NAALADL2: variants seen among roughly 807,000 people sequenced by gnomAD.
NAALADL2 encodes N-acetylated alpha-linked acidic dipeptidase like 2.
NAALADL2 carries 76 observed loss-of-function variants against 87.2 expected under a neutral mutation model. That is an observed-to-expected ratio of 0.87 (90% CI 0.72 to 1.05). The LOEUF is 1.05. NAALADL2 is among the 50% of genes least tolerant of loss of function. NAALADL2 has a pLI of 0.00. For missense variants in NAALADL2, 1,089 were observed against 945.8 expected (o/e 1.15, Z -1.99); for synonymous variants, 354 against 331.0 (o/e 1.07, Z -0.75).
At chr3:175,510,580 A>G (rs190682377) in intron 9 of NAALADL2, among the ~76,000 whole-genome samples, 37 of 152,336 alleles carry the variant, frequency 2.4e-4, no homozygotes, top group African/African-American at 8.7e-4. Flanking sequence ...AATGTGTTTT[A>G]TAATTTCCAA....
At chr3:175,415,955 A>T (rs1156302393) in intron 5 of NAALADL2, among the ~76,000 whole-genome samples, 1 of 92,076 alleles carries the variant, frequency 1.1e-5, no homozygotes, top group Non-Finnish European at 2.0e-5. Context: ...GTCTCTATTT[A>T]AAAAAAAAAA....
intron 2 of NAALADL2, among the ~76,000 whole-genome samples, chr3:175,185,184 T>G (rs1737144340): frequency 6.6e-6 from 1 of 152,114 alleles, no homozygotes; most frequent in Non-Finnish European, 1.5e-5. Context: ...GGTGTACTTG[T>G]GATACCACAT....
chr3:174,446,748 T>C (rs535179085), intron 1 of NAALADL2, among the ~76,000 whole-genome samples: 1 of 152,312 alleles, frequency 6.6e-6, no homozygotes, highest in South Asian at 2.1e-4. Context: ...TGCATGGTTA[T>C]AGAACTCTCA....
chr3:175,289,313 C>G (rs1267076821), intron 4 of NAALADL2, among the ~76,000 whole-genome samples: 1 of 152,024 alleles, frequency 6.6e-6, no homozygotes, highest in Non-Finnish European at 1.5e-5. Flanking sequence ...TCACCGCCAT[C>G]TGATTTTAAG....
intron 2 of NAALADL2, among the ~76,000 whole-genome samples, chr3:175,161,385 T>C (rs1296650789): frequency 6.6e-6 from 1 of 151,956 alleles, no homozygotes; most frequent in African/African-American, 2.4e-5. Flanking sequence ...GGTTAAGAAA[T>C]GGCCACACGA....
intron 3 of NAALADL2, among the ~76,000 whole-genome samples, chr3:175,249,250 G>GA (rs1254196218): frequency 6.6e-6 from 1 of 151,650 alleles, no homozygotes; most frequent in African/African-American, 2.4e-5. Context: ...TTTATTACCT[G>GA]AAAAAAGTAT....
intron 1 of NAALADL2, among the ~76,000 whole-genome samples, chr3:175,014,284 C>A (rs916202491): frequency 6.6e-6 from 1 of 152,068 alleles, no homozygotes; most frequent in African/African-American, 2.4e-5. Context: ...TCTCTTATAT[C>A]CTTGCTTCCT....
At chr3:174,737,195 C>G (rs1186755834) in intron 2 of NAALADL2, among the ~76,000 whole-genome samples, 1 of 152,228 alleles carries the variant, frequency 6.6e-6, no homozygotes, top group African/African-American at 2.4e-5. Context: ...GCTGCCAACA[C>G]CTCTATATTC....
At chr3:174,507,055 C>G (rs1719247989) in intron 1 of NAALADL2, among the ~76,000 whole-genome samples, 1 of 151,886 alleles carries the variant, frequency 6.6e-6, no homozygotes, top group Admixed American at 6.6e-5. Flanking sequence ...GGCTGTGGAG[C>G]TATGCTTACA....
rs113261190 is a variant in NAALADL2, at chr3:175,265,415, A to T, written c.939+8885A>T. Among the ~76,000 whole-genome samples, 571 of 151,808 alleles carry T rather than the reference A, an allele frequency of 3.8e-3. 4 individuals carry two copies. The highest frequency in any genetic ancestry group is 0.013 in the African/African-American group (541 of 41,536). On this transcript the variant is annotated intron_variant, in intron 4 of 13. Coordinates refer to ENST00000454872, the MANE Select transcript of NAALADL2 (RefSeq NM_207015.3). Reference sequence around the variant, plus strand: ...TAAACCCTTAATTCTATACCAATAGAGTTTTAAAAGAATTAACTTGAGGTC... The same window carrying T: ...TAAACCCTTAATTCTATACCAATAGTGTTTTAAAAGAATTAACTTGAGGTC...
At chr3:175,301,113 A>T (rs1757032242) in intron 4 of NAALADL2, among the ~76,000 whole-genome samples, 1 of 151,898 alleles carries the variant, frequency 6.6e-6, no homozygotes, top group Non-Finnish European at 1.5e-5. Context: ...TTTTGCTCTG[A>T]TCTTAGTTAT....
At chr3:175,304,287 T>G (rs1165106960) in intron 4 of NAALADL2, among the ~76,000 whole-genome samples, 2 of 152,130 alleles carry the variant, frequency 1.3e-5, no homozygotes, top group Non-Finnish European at 2.9e-5. Flanking sequence ...TAGTGGATAC[T>G]CTCCTTCTTT....
chr3:174,993,916 G>T (rs931659044), intron 1 of NAALADL2, among the ~76,000 whole-genome samples: 1 of 152,130 alleles, frequency 6.6e-6, no homozygotes, highest in African/African-American at 2.4e-5. Context: ...CTTGGATCAT[G>T]TCAGTCTCTG....
intron 1 of NAALADL2, among the ~76,000 whole-genome samples, chr3:174,878,756 GAC>G (rs1279694157): frequency 6.6e-6 from 1 of 151,876 alleles, no homozygotes; most frequent in African/African-American, 2.4e-5. Context: ...GTTCATTAAA[GAC>G]ATCATATTTG....
At chr3:175,471,419 G>A (rs1724854741) in intron 8 of NAALADL2, among the ~76,000 whole-genome samples, 1 of 148,928 alleles carries the variant, frequency 6.7e-6, no homozygotes, top group African/African-American at 2.5e-5. Flanking sequence ...AACTTGCAGT[G>A]AGCTGAGATC....
At chr3:174,589,087 TC>T (rs1717061216) in intron 2 of NAALADL2, among the ~76,000 whole-genome samples, 3 of 151,966 alleles carry the variant, frequency 2.0e-5, no homozygotes. Flanking sequence ...CGGACACCCC[TC>T]CCCCAGCCTC....
intron 3 of NAALADL2, 36 bp downstream of exon 3, chr3:175,234,240 G>A (rs571914080): frequency 1.3e-6 from 2 of 1,584,880 alleles, no homozygotes; most frequent in South Asian, 2.3e-5. Flanking sequence ...TTTACAGTGA[G>A]ATGGAATTAG....
chr3:174,718,135 A>ACAAT (rs1345197536), intron 2 of NAALADL2, among the ~76,000 whole-genome samples: 1 of 152,176 alleles, frequency 6.6e-6, no homozygotes, highest in Non-Finnish European at 1.5e-5. Flanking sequence ...AAACAAACAA[A>ACAAT]AAATGAAACA....
chr3:174,546,977 G>A (rs1230304521), intron 1 of NAALADL2, among the ~76,000 whole-genome samples: 1 of 151,996 alleles, frequency 6.6e-6, no homozygotes, highest in Non-Finnish European at 1.5e-5. Flanking sequence ...ATTTTAGTTG[G>A]ATTTGGGGAT....
Sources: allele counts gnomAD v4.1 joint callset (sites outside exome capture counted in the v4.1 genomes callset), GRCh38; gene constraint gnomAD v4.1.1; transcripts MANE v1.5; gene names NCBI Gene and HGNC (gene_info 2026-07-23, HGNC 2026-07-21).